Variants in AFAP1 observed in about 807,000 individuals in gnomAD.
The protein encoded by AFAP1 is actin filament-associated protein 1.
A neutral mutation model predicts 93.9 loss-of-function variants in AFAP1; 75 were observed. The ratio of observed to expected loss-of-function variants is 0.80; its 90% CI spans 0.66 to 0.97. The LOEUF is 0.97. AFAP1 is among the 50% of genes least tolerant of loss of function. AFAP1 has a pLI of 0.00. For synonymous variants in AFAP1, 517 were observed against 430.7 expected (o/e 1.20, Z -2.48); for missense variants, 1,201 against 1,050.8 (o/e 1.14, Z -1.98).
intron 17 of AFAP1, among the ~76,000 whole-genome samples, chr4:7,764,663 C>CCA (rs1714299206): frequency 1.3e-5 from 2 of 152,250 alleles, no homozygotes; most frequent in Admixed American, 1.3e-4. Context: ...GCCCTGAGTG[C>CCA]TGGCTGCAGA....
At chr4:7,842,881 C>T (rs984850890) in intron 5 of AFAP1, 3 of 469,506 alleles carry the variant, frequency 6.4e-6, no homozygotes, top group South Asian at 2.6e-5. Flanking sequence ...AGGCCCTGCC[C>T]GGGAATGGGA....
At chr4:7,895,335 C>G (rs1718703016) in intron 1 of AFAP1, among the ~76,000 whole-genome samples, 1 of 151,950 alleles carries the variant, frequency 6.6e-6, no homozygotes, top group African/African-American at 2.4e-5. Context: ...GTCCTTAGCT[C>G]GTAAGAAGTC....
At chr4:7,930,379 AGCTCAATCTCTCATTGGCCACCG>A (rs1720999703) in intron 1 of AFAP1, among the ~76,000 whole-genome samples, 2 of 3,016 alleles carry the variant, frequency 6.6e-4, no homozygotes, top group South Asian at 8.1e-3. Flanking sequence ...ACCGGTGGCT[AGCTCAATCTCTCATTGGCCACCG>A]GTGGCTAGCT....
chr4:7,935,493 GAAAAT>G (rs141686223), intron 1 of AFAP1, among the ~76,000 whole-genome samples: 3,110 of 152,198 alleles, frequency 0.02, 111 homozygotes, highest in African/African-American at 0.071. Flanking sequence ...ATGAAAAACA[GAAAAT>G]AAAACAGCAG....
chr4:7,894,729 A>T (rs1188297129), intron 1 of AFAP1, among the ~76,000 whole-genome samples: 2 of 152,142 alleles, frequency 1.3e-5, no homozygotes, highest in African/African-American at 4.8e-5. Flanking sequence ...ATGAAGAGGT[A>T]GGTCTGAAAT....
chr4:7,780,784 T>C (rs573368168), intron 13 of AFAP1, among the ~76,000 whole-genome samples: 12 of 152,320 alleles, frequency 7.9e-5, no homozygotes, highest in Admixed American at 7.8e-4. Context: ...GTCCTTATTA[T>C]CGTTATCTAG....
intron 17 of AFAP1, among the ~76,000 whole-genome samples, chr4:7,765,717 G>A (rs1714456781): frequency 6.6e-6 from 1 of 152,236 alleles, no homozygotes; most frequent in Non-Finnish European, 1.5e-5. Context: ...TGGCATGGAT[G>A]GCTCTGGAGG....
intron 1 of AFAP1, among the ~76,000 whole-genome samples, chr4:7,903,637 C>T (rs1289642116): frequency 1.3e-5 from 2 of 152,140 alleles, no homozygotes; most frequent in Non-Finnish European, 2.9e-5. Flanking sequence ...CGAGAAAGTG[C>T]CACTGCACTC....
chr4:7,855,399 G>A, intron 4 of AFAP1, 67 bp downstream of exon 4: 1 of 1,270,342 alleles, frequency 7.9e-7, no homozygotes, highest in Non-Finnish European at 1.1e-6. Flanking sequence ...ACCCAGAAAG[G>A]GGACAGGCTC....
intron 1 of AFAP1, among the ~76,000 whole-genome samples, chr4:7,879,957 G>A (rs1044120236): frequency 1.3e-5 from 2 of 151,732 alleles, no homozygotes; most frequent in Admixed American, 1.3e-4. Flanking sequence ...GCGCCCCGCC[G>A]CCCAGCCTTT....
intron 1 of AFAP1, among the ~76,000 whole-genome samples, chr4:7,911,003 C>G (rs961330093): frequency 1.3e-5 from 2 of 152,198 alleles, no homozygotes; most frequent in African/African-American, 4.8e-5. Context: ...ACCCAGCATT[C>G]CCCAGAAAGC....
intron 4 of AFAP1, among the ~76,000 whole-genome samples, chr4:7,846,357 T>A (rs1713700096): frequency 6.6e-6 from 1 of 151,946 alleles, no homozygotes; most frequent in Non-Finnish European, 1.5e-5. Flanking sequence ...AGAACAAGGG[T>A]ATGTGGAAGG....
intron 11 of AFAP1, among the ~76,000 whole-genome samples, chr4:7,786,873 T>C (rs1717312238): frequency 6.6e-6 from 1 of 152,248 alleles, no homozygotes; most frequent in Non-Finnish European, 1.5e-5. Flanking sequence ...CCCTGTTCTA[T>C]AAGCTTTCTG....
At chr4:7,910,570 A>C (rs538284677) in intron 1 of AFAP1, among the ~76,000 whole-genome samples, 1 of 152,376 alleles carries the variant, frequency 6.6e-6, no homozygotes, top group African/African-American at 2.4e-5. Flanking sequence ...GTGGGGCAAC[A>C]GACTACACTC....
intron 13 of AFAP1, among the ~76,000 whole-genome samples, chr4:7,779,359 G>A (rs1560152440): frequency 6.6e-6 from 1 of 152,172 alleles, no homozygotes; most frequent in Non-Finnish European, 1.5e-5. Context: ...TCTTATCGCC[G>A]ACGGAGTCCG....
At chr4:7,776,381 T>G (rs1194333279) in intron 14 of AFAP1, 1 of 151,800 alleles carries the variant, frequency 6.6e-6, no homozygotes, top group Non-Finnish European at 1.5e-5. Flanking sequence ...ATCCTGTGTG[T>G]GTGTATGTGT....
chr4:7,838,735 A>C lies in AFAP1; in HGVS notation c.547-32T>G, dbSNP rs144211014. The C allele has an allele frequency of 1.9e-3, 3,081 of 1,604,266 alleles. 2 individuals carry two copies. Among genetic ancestry groups the C allele is most frequent in the Non-Finnish European group, 2.4e-3 (2,873 of 1,173,428 alleles). ...TCAACACAACAAATCAACTGATATTATAAGGGAGTTCGAACAGAAACACTG... is the reference window on the plus strand; with the variant it reads ...TCAACACAACAAATCAACTGATATTCTAAGGGAGTTCGAACAGAAACACTG... On this transcript the variant is annotated intron_variant, in intron 5 of 17. Coordinates refer to ENST00000420658, the MANE Select transcript of AFAP1 (RefSeq NM_001134647.2).
At chr4:7,886,922 T>C (rs577901732) in intron 1 of AFAP1, among the ~76,000 whole-genome samples, 1 of 152,348 alleles carries the variant, frequency 6.6e-6, no homozygotes, top group Admixed American at 6.5e-5. Context: ...TTAAACACTA[T>C]GTTCACAACA....
intron 8 of AFAP1, among the ~76,000 whole-genome samples, chr4:7,814,031 G>GC (rs1438065871): frequency 6.6e-6 from 1 of 152,184 alleles, no homozygotes; most frequent in East Asian, 1.9e-4. Flanking sequence ...TCCCTCCACA[G>GC]CCACAAGTCC....
Sources: gnomAD v4.1 joint callset for allele counts (sites outside exome capture counted in the v4.1 genomes callset) on GRCh38, gnomAD v4.1.1 for gene constraint, MANE v1.5 for transcripts, NCBI Gene and HGNC (gene_info 2026-07-23, HGNC 2026-07-21) for gene names.